The following SPTLC3 variants were observed in gnomAD, a reference collection of about 807,000 sequenced individuals.
SPTLC3 encodes the protein serine palmitoyltransferase 3.
Under a neutral mutation model 59.3 loss-of-function variants are expected in SPTLC3, and 36 were observed. The ratio of observed to expected loss-of-function variants is 0.61; its 90% CI spans 0.47 to 0.80. The LOEUF (loss-of-function observed/expected upper bound fraction) is 0.80. Among genes scored for constraint, SPTLC3 ranks in the 30% least tolerant of loss-of-function variants. SPTLC3 has a pLI of 0.00. For synonymous variants in SPTLC3, 257 were observed against 240.8 expected, an observed-to-expected ratio of 1.07 and a Z score of -0.62; for missense variants, 625 against 685.1, an observed-to-expected ratio of 0.91 and a Z score of 0.98.
intron 2 of SPTLC3, among the ~76,000 whole-genome samples, chr20:13,059,741 C>T (rs1987875203): frequency 6.6e-6 from 1 of 152,152 alleles, no homozygotes; most frequent in South Asian, 2.1e-4. Flanking sequence ...CTTTTACCAC[C>T]CCCACAAACT....
chr20:13,084,202 A>G (rs1390137449), intron 4 of SPTLC3, among the ~76,000 whole-genome samples: 1 of 152,198 alleles, frequency 6.6e-6, no homozygotes, highest in African/African-American at 2.4e-5. Flanking sequence ...CTCTCTACGA[A>G]CAAAAGACTA....
chr20:13,071,418 A>G (rs1988430619), intron 2 of SPTLC3, among the ~76,000 whole-genome samples: 1 of 152,186 alleles, frequency 6.6e-6, no homozygotes, highest in Non-Finnish European at 1.5e-5. Context: ...AATTAATTTG[A>G]TGAATCTGAT....
intron 7 of SPTLC3, among the ~76,000 whole-genome samples, chr20:13,113,667 A>G (rs1168639847): frequency 1.3e-5 from 2 of 152,226 alleles, no homozygotes; most frequent in East Asian, 1.9e-4. Context: ...TGTGGCCTCC[A>G]TAGGGTACTT....
intron 3 of SPTLC3, chr20:13,073,554 G>A: frequency 5.7e-6 from 1 of 175,780 alleles, no homozygotes; most frequent in Admixed American, 6.2e-5. Flanking sequence ...TGTTTCCTAA[G>A]AAAGACAATG....
At chr20:13,032,575 G>T (rs929568475) in intron 1 of SPTLC3, among the ~76,000 whole-genome samples, 1 of 152,082 alleles carries the variant, frequency 6.6e-6, no homozygotes, top group Non-Finnish European at 1.5e-5. Context: ...CCCACCAATG[G>T]GTGCCCACAC....
chr20:13,038,431 G>A (rs557967162), intron 1 of SPTLC3, among the ~76,000 whole-genome samples: 1 of 152,150 alleles, frequency 6.6e-6, no homozygotes, highest in Admixed American at 6.5e-5. Context: ...GTCTTTCTTA[G>A]AGTGTCCATT....
intron 5 of SPTLC3, among the ~76,000 whole-genome samples, chr20:13,092,239 C>G (rs1206742322): frequency 6.6e-6 from 1 of 152,136 alleles, no homozygotes; most frequent in Non-Finnish European, 1.5e-5. Flanking sequence ...AAGAAAAGAC[C>G]AGAGATGAAA....
At chr20:13,107,690 A>C (rs1267315999) in intron 6 of SPTLC3, among the ~76,000 whole-genome samples, 1 of 152,170 alleles carries the variant, frequency 6.6e-6, no homozygotes, top group Admixed American at 6.5e-5. Flanking sequence ...ATCTTGGTGA[A>C]ATTGATTAAT....
intron 7 of SPTLC3, among the ~76,000 whole-genome samples, chr20:13,113,616 T>C (rs2122720500): frequency 6.6e-6 from 1 of 152,302 alleles, no homozygotes; most frequent in Non-Finnish European, 1.5e-5. Flanking sequence ...GAGGCAGGCC[T>C]GGGACCTAGG....
At chr20:13,017,030 T>C (rs1985561118) in intron 1 of SPTLC3, among the ~76,000 whole-genome samples, 1 of 152,112 alleles carries the variant, frequency 6.6e-6, no homozygotes. Flanking sequence ...GAACCTAAGT[T>C]CTTATCCTTT....
intron 1 of SPTLC3, among the ~76,000 whole-genome samples, chr20:13,015,331 A>G (rs1243481213): frequency 6.6e-6 from 1 of 152,236 alleles, no homozygotes; most frequent in East Asian, 1.9e-4. Context: ...TTAATATGGC[A>G]AGAAGCATCA....
intron 2 of SPTLC3, among the ~76,000 whole-genome samples, chr20:13,070,523 C>G (rs750652617): frequency 1.8e-4 from 27 of 152,150 alleles, no homozygotes; most frequent in Non-Finnish European, 2.9e-4. Context: ...TCTCCTTGTT[C>G]CTTGAGGAAA....
At chr20:13,101,128 C>A (rs574195090) in intron 6 of SPTLC3, among the ~76,000 whole-genome samples, 1 of 152,292 alleles carries the variant, frequency 6.6e-6, no homozygotes, top group Admixed American at 6.5e-5. Flanking sequence ...GTTATCCCTA[C>A]CTGTGGGCTG....
chr20:13,110,267 T>G (rs372366943), intron 7 of SPTLC3, 50 bp downstream of exon 7: 41 of 1,513,740 alleles, frequency 2.7e-5, no homozygotes, highest in Non-Finnish European at 2.6e-5. Context: ...TGCAGCAAGC[T>G]GACCAGTGCG....
intron 2 of SPTLC3, among the ~76,000 whole-genome samples, chr20:13,061,030 CAT>C (rs1475427073): frequency 6.6e-6 from 1 of 152,042 alleles, no homozygotes; most frequent in African/African-American, 2.4e-5. Flanking sequence ...GAGAAATCTC[CAT>C]ACTGTTTTCC....
At chr20:13,121,571 C>A (rs74846650) in intron 8 of SPTLC3, among the ~76,000 whole-genome samples, 3 of 152,084 alleles carry the variant, frequency 2.0e-5, no homozygotes, top group Admixed American at 1.3e-4. Context: ...AACCTCGATA[C>A]GAGGAGACCT....
rs2749397 is a variant in SPTLC3 at position 13,067,099 on chromosome 20, A to G, written c.304-5157A>G. On this transcript the variant is annotated intron_variant, in intron 2 of 11. Transcript: ENST00000399002. ...TATATATATATATATATATATATAT[A>G]TATGTATTCATGTTCACCTATCTTG... Among the ~76,000 whole-genome samples, 103 of 20,372 alleles carry G rather than the reference A, an allele frequency of 5.1e-3. 18 individuals are homozygous for G. Among genetic ancestry groups the G allele is most frequent in the Non-Finnish European group, 6.6e-3 (62 of 9,404 alleles). 13.4% of individuals were successfully genotyped at this position (20,372 alleles called of 152,430 possible).
chr20:13,086,241 T>A (rs530549703), intron 4 of SPTLC3, among the ~76,000 whole-genome samples: 3 of 152,196 alleles, frequency 2.0e-5, no homozygotes, highest in Non-Finnish European at 4.4e-5. Context: ...CCTGAATCAA[T>A]GTTTGTAGAA....
In SPTLC3 at chr20:13,117,530, GC is replaced by G; in HGVS notation, c.961del (p.Gln321ArgfsTer3). ...YSMEGSIVHL[P>X]QIIALKKKYK... ...GCATGGAAGGTTCCATCGTGCATCT[GC>G]CCCAGATCATAGCTCTAAAGAAGAA... On this transcript the variant is annotated frameshift_variant, in exon 8 of 12. Transcript: ENST00000399002. LOFTEE classifies it high-confidence loss of function. 2 of 1,604,568 alleles carry G rather than the reference GC, an allele frequency of 1.2e-6. No individual in the cohort carries two copies. The highest frequency in any genetic ancestry group is 2.2e-5 in the East Asian group (1 of 44,718).
Sources: allele counts gnomAD v4.1 joint callset (sites outside exome capture counted in the v4.1 genomes callset), GRCh38; gene constraint gnomAD v4.1.1; transcripts MANE v1.5; gene names NCBI Gene and HGNC (gene_info 2026-07-23, HGNC 2026-07-21).